The following BIRC6 variants were observed in gnomAD, a reference collection of about 807,000 sequenced individuals.
BIRC6 encodes baculoviral IAP repeat containing 6.
Under a neutral mutation model 503.3 loss-of-function variants are expected in BIRC6, and 98 were observed. That is an observed-to-expected ratio of 0.19 (90% CI 0.17 to 0.23). BIRC6 has a LOEUF of 0.23. BIRC6 is among the 10% of genes least tolerant of loss of function. The probability of loss-of-function intolerance (pLI) is 1.00; values close to 1 mark genes in which losing one functional copy is unlikely to be tolerated. For synonymous variants in BIRC6, 2,240 were observed against 2,078.7 expected (o/e 1.08, Z -2.11); for missense variants, 5,360 against 5,806.0 (o/e 0.92, Z 2.50).
At position 32,549,085 on chromosome 2, in the gene BIRC6, TA is replaced by T. The variant is rs2058258895; in HGVS notation, c.12976-227del. The T allele has an allele frequency of 9.1e-6, 3 of 329,942 alleles. No individual in the cohort carries two copies. The East Asian group carries it at 1.5e-4, about 16-fold the overall frequency. The allele number at this position is 329,942 out of a possible 1,614,324, so 20.4% of individuals were successfully genotyped here. On this transcript the variant is annotated intron_variant, in intron 64 of 73. Coordinates refer to ENST00000421745, the MANE Select transcript of BIRC6 (RefSeq NM_016252.4). Reference sequence around the variant, plus strand: ...TTTATGTTCGTAGTTGTATTGCTTTTATATGTCTAGTCATATGTAGTGTACC... The same window carrying T: ...TTTATGTTCGTAGTTGTATTGCTTTTTATGTCTAGTCATATGTAGTGTACC...
intron 30 of BIRC6, 142 bp from the exon 31 acceptor site, chr2:32,470,026 G>T: frequency 1.4e-6 from 1 of 712,538 alleles, no homozygotes; most frequent in Non-Finnish European, 2.0e-6. Flanking sequence ...TACAAATCTT[G>T]CTTTCCCAGT....
At chr2:32,484,026 A>C (rs2149236924) in intron 39 of BIRC6, among the ~76,000 whole-genome samples, 1 of 152,114 alleles carries the variant, frequency 6.6e-6, no homozygotes, top group Non-Finnish European at 1.5e-5. Flanking sequence ...TAGTGGCATG[A>C]TTTTCAGTTC....
Position 32,505,121 on chromosome 2 carries a change from G to A in BIRC6, c.9616G>A (p.Ala3206Thr). ...AWSYIFLPEE[A>T]WCDLTIHLPA... Reference sequence around the variant, plus strand: ...GTCCTACATCTTTCTTCCAGAGGAGGCTTGGTGTGACCTTACCATTCACCT... The same window carrying A: ...GTCCTACATCTTTCTTCCAGAGGAGACTTGGTGTGACCTTACCATTCACCT... The change falls in exon 50 of 74, where the codon GCT becomes ACT. Residue 3206 changes from alanine to threonine, a missense_variant. Transcript: ENST00000421745. 6.2e-7 allele frequency: 1 copy of A among 1,607,946 alleles called. No individual in the cohort carries two copies. Among genetic ancestry groups the A allele is most frequent in the Non-Finnish European group, 8.5e-7 (1 of 1,177,030 alleles).
chr2:32,372,716 G>C (rs1262502854), intron 1 of BIRC6, among the ~76,000 whole-genome samples: 1 of 152,020 alleles, frequency 6.6e-6, no homozygotes, highest in Non-Finnish European at 1.5e-5. Context: ...TGTAGTCCCA[G>C]CTACTTGGGA....
At chr2:32,567,695 A>G (rs1441992442) in intron 65 of BIRC6, among the ~76,000 whole-genome samples, 2 of 152,220 alleles carry the variant, frequency 1.3e-5, no homozygotes, top group Non-Finnish European at 2.9e-5. Flanking sequence ...AGTTTCTCAT[A>G]CACACAGTGG....
At chr2:32,480,745 G>A (rs1403961591) in intron 37 of BIRC6, among the ~76,000 whole-genome samples, 4 of 140,314 alleles carry the variant, frequency 2.9e-5, no homozygotes, top group East Asian at 4.6e-4. Flanking sequence ...GGGTTCAAGC[G>A]ATTCTCCTGC....
intron 66 of BIRC6, among the ~76,000 whole-genome samples, chr2:32,578,717 G>T (rs1055265662): frequency 2.1e-4 from 32 of 151,740 alleles, no homozygotes; most frequent in African/African-American, 7.8e-4. Context: ...AATCACTTGA[G>T]CCTGGGAGGT....
In BIRC6 at chr2:32,380,293, A is replaced by G; in HGVS notation, c.645+3A>G. ...CAGCAAACCACAAAGTTGCTAAGGT[A>G]AGAAGTTAATAGATTGCCTCTTTTG... On this transcript the variant is annotated splice_donor_region_variant and intron_variant, in intron 3 of 73. Coordinates refer to ENST00000421745, the MANE Select transcript of BIRC6 (RefSeq NM_016252.4). The G allele has an allele frequency of 6.3e-7, 1 of 1,591,460 alleles. No individual in the cohort carries two copies. The highest frequency in any genetic ancestry group is 8.5e-7 in the Non-Finnish European group (1 of 1,173,988).
intron 34 of BIRC6, 100 bp downstream of exon 34, chr2:32,476,444 CAG>C: frequency 1.5e-6 from 2 of 1,293,580 alleles, no homozygotes; most frequent in Non-Finnish European, 2.1e-6. Context: ...CTCTGCTTAA[CAG>C]AGAAGCCAAC....
At chr2:32,384,997 A>G (rs1343541325) in intron 3 of BIRC6, among the ~76,000 whole-genome samples, 2 of 152,196 alleles carry the variant, frequency 1.3e-5, no homozygotes, top group Non-Finnish European at 2.9e-5. Flanking sequence ...GTGCCTGACC[A>G]TCTAGCTAAC....
At chr2:32,467,825 C>CG in intron 27 of BIRC6, 78 bp from the exon 28 acceptor site, 1 of 1,429,902 alleles carries the variant, frequency 7.0e-7, no homozygotes, top group Non-Finnish European at 9.4e-7. Flanking sequence ...AAAAATATAA[C>CG]TATCTTTTTA....
At chr2:32,532,809 G>C (rs924465638) in intron 61 of BIRC6, among the ~76,000 whole-genome samples, 8 of 152,062 alleles carry the variant, frequency 5.3e-5, no homozygotes, top group African/African-American at 1.7e-4. Context: ...AACATTTTCA[G>C]CATTATTATT....
At chr2:32,605,813 GCACCACTGCA>G (rs2062409741) in intron 71 of BIRC6, among the ~76,000 whole-genome samples, 1 of 152,020 alleles carries the variant, frequency 6.6e-6, no homozygotes, top group Non-Finnish European at 1.5e-5. Context: ...AGCTGAGATC[GCACCACTGCA>G]CTCCAGCCTG....
At chr2:32,423,838 C>T (rs558828993) in intron 10 of BIRC6, among the ~76,000 whole-genome samples, 1 of 152,300 alleles carries the variant, frequency 6.6e-6, no homozygotes, top group East Asian at 1.9e-4. Context: ...ATCCAGGACA[C>T]AAATCATCAT....
chr2:32,483,297 A>G (rs537629613), intron 39 of BIRC6, among the ~76,000 whole-genome samples: 2 of 152,220 alleles, frequency 1.3e-5, no homozygotes, highest in East Asian at 1.9e-4. Flanking sequence ...TCCCTTTTCA[A>G]CGCTGCTCCT....
At chr2:32,431,181 C>CTTTTTTTTTTTTTTTTTGTTTT (rs2044064715) in intron 12 of BIRC6, 91 bp downstream of exon 12, 1 of 65,364 alleles carries the variant, frequency 1.5e-5, no homozygotes, top group African/African-American at 9.7e-5. Flanking sequence ...TACTGTTTAT[C>CTTTTTTTTTTTTTTTTTGTTTT]TTTTTTTTTT....
intron 65 of BIRC6, among the ~76,000 whole-genome samples, chr2:32,567,096 G>A (rs1255851532): frequency 2.6e-5 from 4 of 152,002 alleles, no homozygotes; most frequent in Admixed American, 6.6e-5. Context: ...TCAGCCTCCC[G>A]ATTAGCTGGG....
At chr2:32,372,410 T>TGCTA (rs1553375708) in intron 1 of BIRC6, among the ~76,000 whole-genome samples, 1 of 152,224 alleles carries the variant, frequency 6.6e-6, no homozygotes, top group East Asian at 1.9e-4. Context: ...AACCTGTTGA[T>TGCTA]GCTAGCTGCT....
At chr2:32,553,680 C>G (rs1392295574) in intron 65 of BIRC6, among the ~76,000 whole-genome samples, 2 of 151,958 alleles carry the variant, frequency 1.3e-5, no homozygotes, top group African/African-American at 4.8e-5. Context: ...AGGCATGAGC[C>G]ACAACCCAGC....
Sources: allele counts gnomAD v4.1 joint callset (sites outside exome capture counted in the v4.1 genomes callset), GRCh38; gene constraint gnomAD v4.1.1; transcripts MANE v1.5; gene names NCBI Gene and HGNC (gene_info 2026-07-23, HGNC 2026-07-21).